The following HSDL2 variants were observed in gnomAD, a reference collection of about 807,000 sequenced individuals.
HSDL2 encodes hydroxysteroid dehydrogenase-like protein 2.
A neutral mutation model predicts 46.3 loss-of-function variants in HSDL2; 27 were observed. The ratio of observed to expected loss-of-function variants is 0.58; its 90% CI spans 0.43 to 0.80. The LOEUF (loss-of-function observed/expected upper bound fraction) is 0.80. Ranked by LOEUF, HSDL2 falls within the 30% of genes least tolerant of loss-of-function variation. HSDL2 has a pLI of 0.00. For missense variants in HSDL2, 451 were observed against 502.7 expected, an observed-to-expected ratio of 0.90 and a Z score of 0.98; for synonymous variants, 153 against 163.6, an observed-to-expected ratio of 0.94 and a Z score of 0.50.
intron 1 of HSDL2, among the ~76,000 whole-genome samples, chr9:112,392,218 T>C (rs10981382): frequency 0.28 from 43,112 of 151,780 alleles, 6,300 homozygotes; most frequent in Middle Eastern, 0.38. Flanking sequence ...GCAGGACTAC[T>C]AATAAGGGTC....
Position 112,454,141 on chromosome 9 carries a change from A to C in HSDL2, c.994A>C (p.Ile332Leu). ...TGATGTTGTTAAAGCCACTCAAGCA[A>C]TCTATCTGTTTGAACTCTCCGGTAA... ...SDDVVKATQA[I>L]YLFELSGEDG... The change falls in exon 9 of 11, where the codon ATC becomes CTC. Residue 332 changes from isoleucine to leucine, a missense_variant. Ile to Leu is a conservative substitution (Grantham distance 5). Coordinates refer to ENST00000398805, the MANE Select transcript of HSDL2 (RefSeq NM_032303.5). 2 of 1,613,668 alleles carry C rather than the reference A, an allele frequency of 1.2e-6. No individual in the cohort carries two copies. Among genetic ancestry groups the C allele is most frequent in the Non-Finnish European group, 1.7e-6 (2 of 1,179,818 alleles).
intron 9 of HSDL2, among the ~76,000 whole-genome samples, chr9:112,455,355 T>G (rs1335944896): frequency 1.3e-5 from 2 of 152,130 alleles, no homozygotes; most frequent in African/African-American, 4.8e-5. Context: ...TTTATCTTAG[T>G]CCATCTTGCC....
At chr9:112,449,014 G>A (rs1832815253) in intron 8 of HSDL2, among the ~76,000 whole-genome samples, 1 of 150,882 alleles carries the variant, frequency 6.6e-6, no homozygotes, top group Non-Finnish European at 1.5e-5. Flanking sequence ...ACCTGTTTGA[G>A]TTGACATGTA....
chr9:112,388,483 C>T (rs1007160492), intron 1 of HSDL2, among the ~76,000 whole-genome samples: 12 of 146,014 alleles, frequency 8.2e-5, no homozygotes, highest in Admixed American at 2.8e-4. Context: ...AAAAAAAATA[C>T]GCCAGGTGTG....
rs146598217 is a variant in HSDL2, at chr9:112,418,038, C to T, written c.500-822C>T. On this transcript the variant is annotated intron_variant, in intron 5 of 10. Coordinates refer to ENST00000398805, the MANE Select transcript of HSDL2 (RefSeq NM_032303.5). Reference sequence around the variant, plus strand: ...TTTGCAGTGAGCCAAGATTGCACCACTGTGCTCCAGCCTGGGCAACAGAGT... The same window carrying T: ...TTTGCAGTGAGCCAAGATTGCACCATTGTGCTCCAGCCTGGGCAACAGAGT... 1.4e-3 allele frequency among the ~76,000 whole-genome samples: 210 copies of T among 152,276 alleles called. 1 individual carries two copies. Among genetic ancestry groups the T allele is most frequent in the African/African-American group, 4.7e-3 (197 of 41,552 alleles).
intron 6 of HSDL2, among the ~76,000 whole-genome samples, chr9:112,430,390 C>T (rs1023208010): frequency 5.3e-5 from 8 of 152,102 alleles, no homozygotes; most frequent in Non-Finnish European, 7.4e-5. Flanking sequence ...GAAAATGAGA[C>T]GATGTCCATA....
chr9:112,472,330 C>T lies in HSDL2; in HGVS notation c.*1786C>T, dbSNP rs573928464. On this transcript the variant is annotated 3_prime_UTR_variant, in exon 11 of 11. Coordinates refer to ENST00000398805, the MANE Select transcript of HSDL2 (RefSeq NM_032303.5). ...ATGCAGACCATTCTATCATACCTGG[C>T]GGGGCTTCTGTTTTATTTTGTAGGC... The T allele has an allele frequency of 2.0e-5, 3 of 152,316 alleles. No individual in the cohort carries two copies. The highest frequency in any genetic ancestry group is 3.9e-4 in the East Asian group (2 of 5,192). 9.4% of individuals were successfully genotyped at this position (152,316 alleles called of 1,614,324 possible).
At chr9:112,384,459 C>A (rs769061801) in intron 1 of HSDL2, among the ~76,000 whole-genome samples, 1 of 152,150 alleles carries the variant, frequency 6.6e-6, no homozygotes, top group Non-Finnish European at 1.5e-5. Flanking sequence ...GGGAATCAAT[C>A]AAGCTATACT....
In HSDL2 at chr9:112,470,804, C is replaced by T. The variant is rs1049798221; in HGVS notation, c.*260C>T. 8.8e-6 allele frequency: 2 copies of T among 226,078 alleles called. No individual in the cohort carries two copies. Among genetic ancestry groups the T allele is most frequent in the Non-Finnish European group, 1.7e-5 (2 of 116,614 alleles). The allele number at this position is 226,078 out of a possible 1,614,324, so 14.0% of individuals were successfully genotyped here. ...GTTTAACCCTTTGAGCCTTACATCT[C>T]ATTCACTGTCTTTCTCCAAGAAAAG... On this transcript the variant is annotated 3_prime_UTR_variant, in exon 11 of 11. Transcript: ENST00000398805.
chr9:112,454,097 T>C lies in HSDL2; in HGVS notation c.950T>C (p.Val317Ala). Residue 317 changes from valine (V) to alanine (A), a missense_variant, in exon 9 of 11, where the codon GTT (valine) becomes GCT (alanine). Transcript: ENST00000398805. The part of the protein sequence containing the change: ...SGAVEETFRI[V>A]KDSLSDDVVK... ...GCTGTGGAAGAAACATTTAGAATTGTTAAGGACTCTCTCAGTGATGATGTT... is the reference window on the plus strand; with the variant it reads ...GCTGTGGAAGAAACATTTAGAATTGCTAAGGACTCTCTCAGTGATGATGTT... The C allele has an allele frequency of 4.3e-6, 7 of 1,614,064 alleles. No homozygotes were observed. Among genetic ancestry groups the C allele is most frequent in the Non-Finnish European group, 5.9e-6 (7 of 1,179,908 alleles).
intron 1 of HSDL2, among the ~76,000 whole-genome samples, chr9:112,392,517 C>T (rs1224437710): frequency 6.6e-6 from 1 of 152,116 alleles, no homozygotes; most frequent in African/African-American, 2.4e-5. Context: ...TAGACCTGCC[C>T]CCAGGAATGC....
chr9:112,387,420 A>G (rs1043701416), intron 1 of HSDL2, among the ~76,000 whole-genome samples: 16 of 151,904 alleles, frequency 1.1e-4, no homozygotes, highest in Non-Finnish European at 2.1e-4. Context: ...GGGTTTCTCT[A>G]TGTTGCCCAG....
At chr9:112,409,170 T>C (rs1831803564) in intron 4 of HSDL2, 149 bp downstream of exon 4, 2 of 420,898 alleles carry the variant, frequency 4.8e-6, no homozygotes, top group African/African-American at 2.1e-5. Context: ...ATTCAGTCAA[T>C]AGTATTTTAT....
chr9:112,430,093 A>G (rs867328639), intron 6 of HSDL2, among the ~76,000 whole-genome samples: 1 of 152,144 alleles, frequency 6.6e-6, no homozygotes, highest in African/African-American at 2.4e-5. Flanking sequence ...CAAAAAAAAA[A>G]AAAGAAAGAA....
chr9:112,441,438 G>A (rs1211713951), intron 7 of HSDL2, among the ~76,000 whole-genome samples: 1 of 152,112 alleles, frequency 6.6e-6, no homozygotes, highest in Non-Finnish European at 1.5e-5. Context: ...GAGGTTCCTG[G>A]GAGAGCAGGT....
Position 112,405,694 on chromosome 9 carries a change from A to G in HSDL2, c.252A>G (p.Ala84=). The G allele has an allele frequency of 6.2e-7, 1 of 1,612,102 alleles. No individual in the cohort carries two copies. The highest frequency in any genetic ancestry group is 8.5e-7 in the Non-Finnish European group (1 of 1,178,918). The change falls in exon 3 of 11, where the codon GCA becomes GCG. Residue 84 remains alanine, a synonymous_variant. Coordinates refer to ENST00000398805, the MANE Select transcript of HSDL2 (RefSeq NM_032303.5). Reference sequence around the variant, plus strand: ...GAGATGAACAGCAGATCAGTGCTGCAGTGGAGAAAGCCATCAAGAAATTTG... The same window carrying G: ...GAGATGAACAGCAGATCAGTGCTGCGGTGGAGAAAGCCATCAAGAAATTTG... ...DVRDEQQISA[A]VEKAIKKFGG...
chr9:112,389,433 A>C lies in HSDL2; in HGVS notation c.17+9253A>C, dbSNP rs75334378. Among the ~76,000 whole-genome samples, 560 of 152,272 alleles carry C rather than the reference A, an allele frequency of 3.7e-3. 24 individuals are homozygous for C. The East Asian group carries it at 0.095, about 26-fold the overall frequency. On this transcript the variant is annotated intron_variant, in intron 1 of 10. Coordinates refer to ENST00000398805, the MANE Select transcript of HSDL2 (RefSeq NM_032303.5). ...CATTGGGGTAAAATATTAACAATAC[A>C]TGAATCTGGGTGAAGGATATGTGAA...
intron 10 of HSDL2, among the ~76,000 whole-genome samples, chr9:112,464,201 TAC>T (rs1833304167): frequency 6.6e-6 from 1 of 151,642 alleles, no homozygotes. Flanking sequence ...ACCCTGCTTC[TAC>T]ACACACACAG....
intron 1 of HSDL2, among the ~76,000 whole-genome samples, chr9:112,396,284 TA>T (rs1831455063): frequency 6.6e-6 from 1 of 152,124 alleles, no homozygotes; most frequent in Non-Finnish European, 1.5e-5. Context: ...TTCCAACCCC[TA>T]CTAGTCCCAT....
Sources: gnomAD v4.1 joint callset for allele counts (sites outside exome capture counted in the v4.1 genomes callset) on GRCh38, gnomAD v4.1.1 for gene constraint, MANE v1.5 for transcripts, NCBI Gene and HGNC (gene_info 2026-07-23, HGNC 2026-07-21) for gene names.